The following FYN variants were observed in gnomAD, a reference collection of about 807,000 sequenced individuals.
FYN encodes FYN proto-oncogene, Src family tyrosine kinase, also known as tyrosine-protein kinase Fyn.
Under a neutral mutation model 70.2 loss-of-function variants are expected in FYN, and 10 were observed. The observed-to-expected ratio is 0.14, with a 90% CI of 0.09 to 0.24. The LOEUF (loss-of-function observed/expected upper bound fraction) is 0.24. FYN is among the 10% of genes least tolerant of loss of function. FYN has a pLI of 1.00. For missense variants in FYN, 319 were observed against 673.1 expected, an observed-to-expected ratio of 0.47 and a Z score of 5.82; for synonymous variants, 236 against 248.6, an observed-to-expected ratio of 0.95 and a Z score of 0.48.
At chr6:111,858,060 C>A (rs79757916) in intron 1 of FYN, among the ~76,000 whole-genome samples, 5,449 of 152,266 alleles carry the variant, frequency 0.036, 107 homozygotes, top group Non-Finnish European at 0.047. Context: ...CTATTCTGAC[C>A]CTAGATATCT....
At chr6:111,848,360 C>A (rs564534139) in intron 1 of FYN, among the ~76,000 whole-genome samples, 3 of 152,188 alleles carry the variant, frequency 2.0e-5, no homozygotes, top group Non-Finnish European at 2.9e-5. Flanking sequence ...GTAATTCCAA[C>A]AACATAGGAT....
At chr6:111,755,190 G>A (rs1032303479) in intron 3 of FYN, among the ~76,000 whole-genome samples, 2 of 151,578 alleles carry the variant, frequency 1.3e-5, no homozygotes, top group African/African-American at 4.8e-5. Flanking sequence ...TACTTTTTTT[G>A]TTTTTCTAAA....
At chr6:111,868,370 T>G (rs1334679747) in intron 1 of FYN, among the ~76,000 whole-genome samples, 2 of 152,318 alleles carry the variant, frequency 1.3e-5, no homozygotes, top group East Asian at 1.9e-4. Context: ...ATTCATAAAC[T>G]TATACAGACC....
chr6:111,792,809 T>C, intron 2 of FYN, among the ~76,000 whole-genome samples: 1 of 152,286 alleles, frequency 6.6e-6, no homozygotes, highest in East Asian at 1.9e-4. Context: ...TTATATAAAG[T>C]TCATAATAGA....
intron 2 of FYN, among the ~76,000 whole-genome samples, chr6:111,837,892 T>A (rs1773239996): frequency 6.6e-6 from 1 of 152,206 alleles, no homozygotes; most frequent in Non-Finnish European, 1.5e-5. Flanking sequence ...ATGCACAAAT[T>A]GCTGTTTTAT....
chr6:111,864,528 G>T (rs1774051231), intron 1 of FYN, among the ~76,000 whole-genome samples: 2 of 151,510 alleles, frequency 1.3e-5, no homozygotes, highest in South Asian at 4.2e-4. Context: ...TACCCAGCTG[G>T]TTCCCTCAGC....
intron 3 of FYN, among the ~76,000 whole-genome samples, chr6:111,723,247 T>A (rs544716614): frequency 1.1e-4 from 17 of 152,252 alleles, no homozygotes; most frequent in African/African-American, 4.1e-4. Context: ...TATGAAGTAA[T>A]AGAGAAGAAA....
At chr6:111,663,095 C>CT (rs1275080568) in intron 13 of FYN, among the ~76,000 whole-genome samples, 2 of 152,200 alleles carry the variant, frequency 1.3e-5, no homozygotes. Flanking sequence ...TCTAGTTTTG[C>CT]TTCCCTTTTT....
In FYN at chr6:111,696,399, G is replaced by A. The variant is rs2128438723; in HGVS notation, c.920C>T (p.Ser307Phe). The A allele has an allele frequency of 6.2e-7, 1 of 1,612,934 alleles. No individual in the cohort carries two copies. The highest frequency in any genetic ancestry group is 8.5e-7 in the Non-Finnish European group (1 of 1,179,556). ...AIKTLKPGTMSPESFLEEAQI... is the reference protein window; with the variant it reads ...AIKTLKPGTMFPESFLEEAQI... ...CGCTTCCTCAAGGAATGATTCGGGG[G>A]ACATTGTGCCTGGTTTAAGAGTCTT... The change falls in exon 10 of 14, where the codon TCC (serine) becomes TTC (phenylalanine). Residue 307 changes from serine to phenylalanine, a missense_variant. Around this residue, in one of 4 missense-constraint regions of FYN, gnomAD observed 112 missense variants for 250.2 expected, o/e 0.45. Transcript: ENST00000354650.
In FYN at chr6:111,867,458, G is replaced by GAAAAAA. The variant is rs373634134; in HGVS notation, c.-123+5504_-123+5509dup. The stretch of plus-strand genomic sequence containing the variant: ...CAACAAGAGCGAAACTCCGTCTCGG[G>GAAAAAA]AAAAAAAAAAAAAAAAAAAAAAAAG... On this transcript the variant is annotated intron_variant, in intron 1 of 13. Transcript: ENST00000354650. 1.4e-4 allele frequency among the ~76,000 whole-genome samples: 10 copies of GAAAAAA among 70,482 alleles called. 1 individual carries two copies. Among genetic ancestry groups the GAAAAAA allele is most frequent in the African/African-American group, 5.5e-4 (10 of 18,112 alleles). The allele number at this position is 70,482 out of a possible 152,430, so 46.2% of individuals were successfully genotyped here.
intron 2 of FYN, 149 bp downstream of exon 2, chr6:111,846,440 G>A: frequency 2.5e-6 from 1 of 397,344 alleles, no homozygotes; most frequent in African/African-American, 2.1e-5. Context: ...TCACAAACCA[G>A]TTCCTTCTCC....
At chr6:111,793,029 T>C (rs1167042591) in intron 2 of FYN, among the ~76,000 whole-genome samples, 6 of 152,198 alleles carry the variant, frequency 3.9e-5, no homozygotes, top group African/African-American at 9.6e-5. Context: ...GCATGAATGC[T>C]ACATTTCAAT....
At chr6:111,751,453 T>TCAACAACAAAAA (rs1802483500) in intron 3 of FYN, among the ~76,000 whole-genome samples, 7 of 74,692 alleles carry the variant, frequency 9.4e-5, no homozygotes, top group Admixed American at 8.0e-4. Flanking sequence ...CAACAAACAA[T>TCAACAACAAAAA]TAACAACAAA....
chr6:111,675,621 C>A (rs1032266540), intron 12 of FYN, among the ~76,000 whole-genome samples: 5 of 151,714 alleles, frequency 3.3e-5, no homozygotes, highest in African/African-American at 1.2e-4. Context: ...GGTGAAACCT[C>A]GTCTCTACTA....
At chr6:111,747,630 T>C (rs2128484204) in intron 3 of FYN, among the ~76,000 whole-genome samples, 1 of 152,254 alleles carries the variant, frequency 6.6e-6, no homozygotes, top group South Asian at 2.1e-4. Context: ...CATTCCCCTA[T>C]CATTGGAAGT....
chr6:111,747,117 C>T (rs1802261832), intron 3 of FYN, among the ~76,000 whole-genome samples: 1 of 152,200 alleles, frequency 6.6e-6, no homozygotes, highest in African/African-American at 2.4e-5. Flanking sequence ...ACTGTCAATA[C>T]TCTCTTGTCC....
intron 13 of FYN, among the ~76,000 whole-genome samples, chr6:111,666,272 C>T (rs991186473): frequency 6.6e-6 from 1 of 152,148 alleles, no homozygotes; most frequent in Non-Finnish European, 1.5e-5. Context: ...CAAGGGAGAG[C>T]ATTTTTCAAC....
chr6:111,696,589 C>T, intron 9 of FYN, 133 bp from the exon 10 acceptor site: 1 of 615,300 alleles, frequency 1.6e-6, no homozygotes, highest in East Asian at 3.2e-5. Flanking sequence ...TGAACAAAGA[C>T]ATTCAATTGC....
At chr6:111,666,542 T>C (rs1422284485) in intron 13 of FYN, among the ~76,000 whole-genome samples, 1 of 152,156 alleles carries the variant, frequency 6.6e-6, no homozygotes, top group Non-Finnish European at 1.5e-5. Context: ...GTCACTTTCA[T>C]AGGGTACAAC....
Sources: allele counts gnomAD v4.1 joint callset (sites outside exome capture counted in the v4.1 genomes callset), GRCh38; gene constraint gnomAD v4.1.1; regional missense constraint gnomAD v4.1.1; transcripts MANE v1.5; gene names NCBI Gene and HGNC (gene_info 2026-07-23, HGNC 2026-07-21).